Variants in RSU1 observed in about 807,000 individuals in gnomAD.
RSU1 encodes Ras suppressor protein 1.
Under a neutral mutation model 31.1 loss-of-function variants are expected in RSU1, and 26 were observed. That is an observed-to-expected ratio of 0.84 (90% CI 0.61 to 1.16). The LOEUF (loss-of-function observed/expected upper bound fraction) is 1.16. Ranked by LOEUF, RSU1 falls within the 50% of genes most tolerant of loss-of-function variation. The pLI is 0.00. For synonymous variants in RSU1, 164 were observed against 136.3 expected, an observed-to-expected ratio of 1.20 and a Z score of -1.41; for missense variants, 320 against 339.1, an observed-to-expected ratio of 0.94 and a Z score of 0.44.
chr10:16,628,937 C>G (rs1834202883), intron 8 of RSU1, among the ~76,000 whole-genome samples: 1 of 152,198 alleles, frequency 6.6e-6, no homozygotes, highest in South Asian at 2.1e-4. Context: ...AGATTTTTCA[C>G]TTTTACAGCT....
At chr10:16,625,546 A>T (rs1195936815) in intron 8 of RSU1, among the ~76,000 whole-genome samples, 1 of 152,158 alleles carries the variant, frequency 6.6e-6, no homozygotes, top group Non-Finnish European at 1.5e-5. Flanking sequence ...AGCATCAACC[A>T]TGACTTGGTA....
chr10:16,771,556 C>G (rs1426888854), intron 3 of RSU1, among the ~76,000 whole-genome samples: 2 of 152,108 alleles, frequency 1.3e-5, no homozygotes, highest in African/African-American at 2.4e-5. Context: ...AAAGAAGAAT[C>G]TTCTCACTCT....
At chr10:16,620,523 G>T (rs1042476886) in intron 8 of RSU1, among the ~76,000 whole-genome samples, 3 of 151,156 alleles carry the variant, frequency 2.0e-5, no homozygotes, top group Non-Finnish European at 4.4e-5. Context: ...CCATTTTTGC[G>T]GGAGGGGAGT....
At chr10:16,609,555 G>A (rs1490365954) in intron 8 of RSU1, among the ~76,000 whole-genome samples, 1 of 152,204 alleles carries the variant, frequency 6.6e-6, no homozygotes, top group African/African-American at 2.4e-5. Flanking sequence ...GCAGGTGTCT[G>A]CAAAGCCAAG....
At chr10:16,609,130 G>A (rs1833853355) in intron 8 of RSU1, among the ~76,000 whole-genome samples, 1 of 152,190 alleles carries the variant, frequency 6.6e-6, no homozygotes, top group African/African-American at 2.4e-5. Context: ...TTACAGGTGT[G>A]AGCCACGGTG....
intron 7 of RSU1, among the ~76,000 whole-genome samples, chr10:16,731,627 A>C (rs1836513633): frequency 6.6e-6 from 1 of 152,186 alleles, no homozygotes; most frequent in Non-Finnish European, 1.5e-5. Context: ...CAATGCATGA[A>C]AATGTCTATT....
chr10:16,808,613 A>G (rs1838331541), intron 2 of RSU1, among the ~76,000 whole-genome samples: 1 of 152,272 alleles, frequency 6.6e-6, no homozygotes, highest in Non-Finnish European at 1.5e-5. Flanking sequence ...TAGGTGAACC[A>G]AAGAGGGATG....
At chr10:16,621,139 A>G (rs1834061844) in intron 8 of RSU1, among the ~76,000 whole-genome samples, 1 of 152,152 alleles carries the variant, frequency 6.6e-6, no homozygotes, top group Non-Finnish European at 1.5e-5. Flanking sequence ...GCCAGGGGAT[A>G]TTTGGCAATG....
intron 8 of RSU1, among the ~76,000 whole-genome samples, chr10:16,682,145 TGTG>T: frequency 6.6e-6 from 1 of 152,268 alleles, no homozygotes; most frequent in Middle Eastern, 3.4e-3. Context: ...AGGCTGTAGA[TGTG>T]GTGACCAGAG....
At chr10:16,735,196 G>C (rs1174346004) in intron 7 of RSU1, among the ~76,000 whole-genome samples, 1 of 152,098 alleles carries the variant, frequency 6.6e-6, no homozygotes, top group Non-Finnish European at 1.5e-5. Context: ...AAGTTAAAAA[G>C]CAATAAAGAC....
intron 8 of RSU1, among the ~76,000 whole-genome samples, chr10:16,620,594 C>T (rs1286040900): frequency 2.6e-5 from 4 of 151,638 alleles, no homozygotes; most frequent in Non-Finnish European, 5.9e-5. Context: ...GCCTGTAATC[C>T]CAGCACTTTG....
At chr10:16,653,292 T>G (rs1437601739) in intron 8 of RSU1, among the ~76,000 whole-genome samples, 1 of 152,182 alleles carries the variant, frequency 6.6e-6, no homozygotes, top group African/African-American at 2.4e-5. Context: ...ACAGAACAGT[T>G]CAGTGACATC....
intron 2 of RSU1, among the ~76,000 whole-genome samples, chr10:16,785,680 G>C (rs941658433): frequency 6.6e-6 from 1 of 151,728 alleles, no homozygotes; most frequent in African/African-American, 2.4e-5. Flanking sequence ...TGGGGACACG[G>C]ATCCAAACCA....
At chr10:16,637,951 C>A (rs1346634807) in intron 8 of RSU1, among the ~76,000 whole-genome samples, 1 of 152,154 alleles carries the variant, frequency 6.6e-6, no homozygotes, top group African/African-American at 2.4e-5. Flanking sequence ...TTCTTCCACA[C>A]TGTTTCCAAA....
At chr10:16,793,168 G>A (rs1055284106) in intron 2 of RSU1, among the ~76,000 whole-genome samples, 6 of 152,144 alleles carry the variant, frequency 3.9e-5, no homozygotes, top group Admixed American at 3.3e-4. Context: ...AAAATATCAC[G>A]GTGGGATGAA....
chr10:16,695,683 T>A (rs7083531), intron 7 of RSU1, among the ~76,000 whole-genome samples: 4,152 of 152,324 alleles, frequency 0.027, 176 homozygotes, highest in East Asian at 0.1. Context: ...CTCATTAACA[T>A]GGCAGTGATA....
intron 7 of RSU1, among the ~76,000 whole-genome samples, chr10:16,731,026 G>A (rs567306947): frequency 1.9e-4 from 29 of 152,198 alleles, no homozygotes; most frequent in Admixed American, 1.6e-3. Context: ...GTTTCACCAT[G>A]TTGGCCAGGC....
At chr10:16,680,580 G>A (rs915758104) in intron 8 of RSU1, among the ~76,000 whole-genome samples, 2 of 152,228 alleles carry the variant, frequency 1.3e-5, no homozygotes, top group African/African-American at 4.8e-5. Context: ...GGGGGTGCAG[G>A]CATGTCACGT....
At chr10:16,697,830 C>A (rs1214765278) in intron 7 of RSU1, among the ~76,000 whole-genome samples, 1 of 151,950 alleles carries the variant, frequency 6.6e-6, no homozygotes, top group East Asian at 1.9e-4. Context: ...AATATCTTTC[C>A]TTCTTCTGCA....
Sources: gnomAD v4.1 joint callset for allele counts (sites outside exome capture counted in the v4.1 genomes callset) on GRCh38, gnomAD v4.1.1 for gene constraint, MANE v1.5 for transcripts, NCBI Gene and HGNC (gene_info 2026-07-23, HGNC 2026-07-21) for gene names.